DOCK2: variants seen among roughly 807,000 people sequenced by gnomAD.
The protein encoded by DOCK2 is dedicator of cytokinesis 2, also known as dedicator of cytokinesis protein 2.
Under a neutral mutation model 248.9 loss-of-function variants are expected in DOCK2, and 87 were observed. The observed-to-expected ratio is 0.35, with a 90% CI of 0.29 to 0.42. DOCK2 has a LOEUF of 0.42. Ranked by LOEUF, DOCK2 falls within the 10% of genes least tolerant of loss-of-function variation. The pLI is 1.00. For synonymous variants in DOCK2, 805 were observed against 821.6 expected (o/e 0.98, Z 0.35); for missense variants, 1,747 against 2,300.2 (o/e 0.76, Z 4.92).
At chr5:170,049,824 T>C (rs992357495) in intron 40 of DOCK2, among the ~76,000 whole-genome samples, 6 of 152,178 alleles carry the variant, frequency 3.9e-5, no homozygotes, top group Non-Finnish European at 7.3e-5. Flanking sequence ...AGAGTGTGTT[T>C]TCACAGGCTT....
At chr5:169,654,612 C>T (rs529148848) in intron 2 of DOCK2, 126 bp downstream of exon 2, 444 of 860,268 alleles carry the variant, frequency 5.2e-4, no homozygotes, top group Middle Eastern at 7.2e-4. Flanking sequence ...GTTTTGGTAA[C>T]GCTAGTAATT....
intron 27 of DOCK2, among the ~76,000 whole-genome samples, chr5:169,856,295 C>G (rs899422667): frequency 6.6e-6 from 1 of 152,162 alleles, no homozygotes; most frequent in Non-Finnish European, 1.5e-5. Flanking sequence ...TCAGAAGCTG[C>G]CCACCAGCCC....
chr5:169,912,132 A>AT (rs1774629895), intron 27 of DOCK2, among the ~76,000 whole-genome samples: 1 of 152,236 alleles, frequency 6.6e-6, no homozygotes, highest in South Asian at 2.1e-4. Context: ...GACCCTGGGT[A>AT]TAAAAAAAGG....
At chr5:170,001,875 G>A (rs1754845254) in intron 30 of DOCK2, among the ~76,000 whole-genome samples, 2 of 152,174 alleles carry the variant, frequency 1.3e-5, no homozygotes, top group African/African-American at 4.8e-5. Flanking sequence ...AATCTACTTT[G>A]CTTGGATGAA....
chr5:169,766,776 A>T (rs914700555), intron 25 of DOCK2, among the ~76,000 whole-genome samples: 7 of 151,702 alleles, frequency 4.6e-5, no homozygotes, highest in Non-Finnish European at 5.9e-5. Context: ...TTATTTATTT[A>T]TTTTTTTTGA....
intron 34 of DOCK2, among the ~76,000 whole-genome samples, chr5:170,029,948 C>G (rs1391877021): frequency 6.6e-6 from 1 of 152,178 alleles, no homozygotes; most frequent in Non-Finnish European, 1.5e-5. Flanking sequence ...GCATGGCCCT[C>G]ACTAAACACT....
At position 170,076,103 on chromosome 5, in the gene DOCK2, G is replaced by A; in HGVS notation, c.4866+19G>A. The A allele has an allele frequency of 1.2e-6, 2 of 1,612,810 alleles. No individual in the cohort carries two copies. The stretch of plus-strand genomic sequence containing the variant: ...AGAGATGGTATGGGTGGTTCCTATG[G>A]CTTGGAGGGGTGGGATTGTGCAGGG... On this transcript the variant is annotated intron_variant, in intron 47 of 51. Coordinates refer to ENST00000520908, the MANE Select transcript of DOCK2 (RefSeq NM_004946.3).
At position 169,881,280 on chromosome 5, in the gene DOCK2, A is replaced by T; in HGVS notation, c.2799+40428A>T. On this transcript the variant is annotated intron_variant, in intron 27 of 51. Coordinates refer to ENST00000520908, the MANE Select transcript of DOCK2 (RefSeq NM_004946.3). Reference sequence around the variant, plus strand: ...AAATACCTTGTTTTTGCCTCTCTTGACTTTTTGCATTTAAAAGTTTGCTAG... The same window carrying T: ...AAATACCTTGTTTTTGCCTCTCTTGTCTTTTTGCATTTAAAAGTTTGCTAG... 4 of 1,116,388 alleles carry T rather than the reference A, an allele frequency of 3.6e-6. No homozygotes were observed. In the Admixed American group the frequency reaches 6.5e-5, roughly 18 times the overall value. The allele number at this position is 1,116,388 out of a possible 1,614,324, so 69.2% of individuals were successfully genotyped here.
intron 9 of DOCK2, among the ~76,000 whole-genome samples, chr5:169,692,404 A>C (rs914038125): frequency 2.6e-5 from 4 of 152,100 alleles, no homozygotes; most frequent in African/African-American, 7.2e-5. Context: ...GACACCATAG[A>C]TTGGAGCACA....
intron 34 of DOCK2, among the ~76,000 whole-genome samples, chr5:170,031,358 A>G (rs1756130410): frequency 6.6e-6 from 1 of 152,182 alleles, no homozygotes; most frequent in Non-Finnish European, 1.5e-5. Context: ...TCCTCCCTCT[A>G]AAAGCCTCCA....
chr5:170,014,332 C>T (rs1447761508), intron 32 of DOCK2, among the ~76,000 whole-genome samples: 1 of 152,130 alleles, frequency 6.6e-6, no homozygotes, highest in African/African-American at 2.4e-5. Context: ...AAATAGGATA[C>T]AAGCCTTCTA....
chr5:169,999,092 A>G (rs553489532), intron 30 of DOCK2, among the ~76,000 whole-genome samples: 1 of 152,138 alleles, frequency 6.6e-6, no homozygotes, highest in Admixed American at 6.5e-5. Context: ...ACTATTTTCC[A>G]TGCTCTTAGA....
chr5:169,784,195 A>G (rs917441433), intron 25 of DOCK2, among the ~76,000 whole-genome samples: 14 of 151,978 alleles, frequency 9.2e-5, no homozygotes, highest in African/African-American at 3.4e-4. Context: ...ATCTTTTCAA[A>G]CCTTTTGCTA....
intron 27 of DOCK2, among the ~76,000 whole-genome samples, chr5:169,851,931 C>T (rs761486115): frequency 3.9e-5 from 6 of 152,240 alleles, no homozygotes; most frequent in Admixed American, 1.3e-4. Flanking sequence ...GATTACAATT[C>T]GAGATGAGAT....
Position 169,796,334 on chromosome 5 carries a change from G to A in DOCK2, c.2555-6724G>A, listed in dbSNP as rs1480323720. On this transcript the variant is annotated intron_variant, in intron 25 of 51. Coordinates refer to ENST00000520908, the MANE Select transcript of DOCK2 (RefSeq NM_004946.3). ...GTCCATCTTGTCTTATGTTTTATGA[G>A]TGATTCTTTGGGTTCTCCTTCTCTC... 2.0e-5 allele frequency among the ~76,000 whole-genome samples: 3 copies of A among 152,338 alleles called. No homozygotes were observed. The South Asian group carries it at 6.2e-4, about 32-fold the overall frequency.
At chr5:169,906,393 C>T (rs753474829) in intron 27 of DOCK2, among the ~76,000 whole-genome samples, 2 of 152,194 alleles carry the variant, frequency 1.3e-5, no homozygotes, top group East Asian at 1.9e-4. Flanking sequence ...CAATTAAAAC[C>T]ACCATCATTT....
chr5:169,660,336 AAAAT>A (rs1377250694), intron 2 of DOCK2, among the ~76,000 whole-genome samples: 1 of 152,218 alleles, frequency 6.6e-6, no homozygotes, highest in African/African-American at 2.4e-5. Flanking sequence ...CTTCTCTCTA[AAAAT>A]AAATAAATAA....
intron 9 of DOCK2, among the ~76,000 whole-genome samples, chr5:169,692,552 C>T (rs934723505): frequency 1.7e-4 from 25 of 148,188 alleles, no homozygotes; most frequent in Admixed American, 5.3e-4. Flanking sequence ...GGGCGCTGTC[C>T]GATGAGACAG....
At chr5:170,038,238 T>C (rs910225193) in intron 36 of DOCK2, among the ~76,000 whole-genome samples, 1 of 152,182 alleles carries the variant, frequency 6.6e-6, no homozygotes. Flanking sequence ...CTATAGGTAA[T>C]ATGGCTGCCA....
Sources: gnomAD v4.1 joint callset for allele counts (sites outside exome capture counted in the v4.1 genomes callset) on GRCh38, gnomAD v4.1.1 for gene constraint, MANE v1.5 for transcripts, NCBI Gene and HGNC (gene_info 2026-07-23, HGNC 2026-07-21) for gene names.